The following AGBL2 variants were observed in gnomAD, a reference collection of about 807,000 sequenced individuals.
AGBL2 encodes the protein cytosolic carboxypeptidase 2.
AGBL2 carries 87 observed loss-of-function variants against 103.0 expected under a neutral mutation model. The observed-to-expected ratio is 0.84, with a 90% CI of 0.71 to 1.01. The LOEUF is 1.01. AGBL2 is among the 50% of genes least tolerant of loss of function. The pLI is 0.00. For missense variants in AGBL2, 904 were observed against 1,023.5 expected (o/e 0.88, Z 1.59); for synonymous variants, 335 against 356.7 (o/e 0.94, Z 0.69).
Position 47,692,404 on chromosome 11 carries a change from C to CTTTTT in AGBL2, c.695-153_695-149dup, listed in dbSNP as rs11286504. ...AACTATCTTTGCAGAGACTTTTAATCTTTTTTTTTTTTTTTTTTTTTTTTT... is the reference window on the plus strand; with the variant it reads ...AACTATCTTTGCAGAGACTTTTAATCTTTTTTTTTTTTTTTTTTTTTTTTTTTTTT... On this transcript the variant is annotated intron_variant, in intron 8 of 18. Transcript: ENST00000525123. The CTTTTT allele has an allele frequency of 6.7e-3, 667 of 99,160 alleles. 23 individuals are homozygous for CTTTTT. Among genetic ancestry groups the CTTTTT allele is most frequent in the African/African-American group, 0.013 (246 of 18,504 alleles). The allele number at this position is 99,160 out of a possible 1,614,324, so 6.1% of individuals were successfully genotyped here.
At chr11:47,713,650 T>A (rs1386208502) in intron 3 of AGBL2, among the ~76,000 whole-genome samples, 1 of 151,444 alleles carries the variant, frequency 6.6e-6, no homozygotes, top group Non-Finnish European at 1.5e-5. Context: ...GTGCAGTGGC[T>A]TGATCTCGGC....
At chr11:47,695,456 C>T (rs74648020) in intron 8 of AGBL2, among the ~76,000 whole-genome samples, 3 of 121,056 alleles carry the variant, frequency 2.5e-5, no homozygotes, top group African/African-American at 6.6e-5. Context: ...GCCTGGGCGA[C>T]GAAAGTGAAA....
chr11:47,710,909 C>A (rs1486978945), intron 3 of AGBL2: 524 of 330,032 alleles, frequency 1.6e-3, no homozygotes, highest in East Asian at 3.3e-3. Context: ...GATCCTGTCT[C>A]AAAAAAAAAA....
intron 10 of AGBL2, among the ~76,000 whole-genome samples, chr11:47,687,644 T>G (rs2097429302): frequency 6.6e-6 from 1 of 152,150 alleles, no homozygotes; most frequent in South Asian, 2.1e-4. Context: ...CCTCTTTGCC[T>G]TCTGCCATGA....
intron 18 of AGBL2, among the ~76,000 whole-genome samples, chr11:47,661,119 T>C (rs12362318): frequency 0.35 from 53,393 of 151,718 alleles, 10,607 homozygotes; most frequent in South Asian, 0.52. Context: ...GCCAAGATCA[T>C]GCCACTGCAC....
At chr11:47,666,552 C>T (rs975974527) in intron 17 of AGBL2, 93 of 398,618 alleles carry the variant, frequency 2.3e-4, no homozygotes, top group African/African-American at 1.8e-3. Context: ...CTGAAGTCCC[C>T]GAGGCAGGGA....
intron 8 of AGBL2, among the ~76,000 whole-genome samples, chr11:47,698,168 A>ATTTTTTTTTTT (rs35161992): frequency 2.5e-5 from 2 of 79,834 alleles, no homozygotes; most frequent in Non-Finnish European, 4.5e-5. Context: ...AGTCTACATA[A>ATTTTTTTTTTT]TTTTTTTTTT....
intron 3 of AGBL2, among the ~76,000 whole-genome samples, chr11:47,712,410 T>C (rs1208498769): frequency 6.6e-6 from 1 of 152,184 alleles, no homozygotes; most frequent in Non-Finnish European, 1.5e-5. Context: ...GAAATTAAAT[T>C]TTAAGAAGAT....
At chr11:47,664,211 TC>T (rs138579143) in intron 17 of AGBL2, among the ~76,000 whole-genome samples, 4,647 of 152,088 alleles carry the variant, frequency 0.031, 250 homozygotes, top group African/African-American at 0.11. Flanking sequence ...TTGCACCCTA[TC>T]CCCTAAGAAT....
At chr11:47,666,104 A>G (rs553257570) in intron 17 of AGBL2, among the ~76,000 whole-genome samples, 15 of 151,716 alleles carry the variant, frequency 9.9e-5, no homozygotes, top group African/African-American at 2.9e-4. Flanking sequence ...AAAAAAATCA[A>G]TGATTTTGAC....
At chr11:47,663,433 A>C (rs2097333017) in intron 17 of AGBL2, among the ~76,000 whole-genome samples, 1 of 152,196 alleles carries the variant, frequency 6.6e-6, no homozygotes, top group South Asian at 2.1e-4. Context: ...GACTCACAGA[A>C]TATTAAATAG....
chr11:47,662,777 A>C (rs2097331435), intron 18 of AGBL2, among the ~76,000 whole-genome samples: 1 of 152,204 alleles, frequency 6.6e-6, no homozygotes, highest in Non-Finnish European at 1.5e-5. Flanking sequence ...TACAGGCATG[A>C]GCCACTGTGC....
chr11:47,691,729 A>AAAAATATATATAT, intron 9 of AGBL2, among the ~76,000 whole-genome samples: 1 of 4,856 alleles, frequency 2.1e-4, no homozygotes, highest in African/African-American at 7.2e-4. Context: ...AAAAAAAAAA[A>AAAAATATATATAT]ATATATATAT....
At chr11:47,663,210 G>T in intron 17 of AGBL2, 98 bp from the exon 18 acceptor site, 1 of 718,566 alleles carries the variant, frequency 1.4e-6, no homozygotes, top group Non-Finnish European at 2.3e-6. Context: ...CATACATGTT[G>T]ATTCATTGTG....
At chr11:47,669,439 G>A (rs1237048111) in intron 14 of AGBL2, among the ~76,000 whole-genome samples, 1 of 152,114 alleles carries the variant, frequency 6.6e-6, no homozygotes, top group Non-Finnish European at 1.5e-5. Flanking sequence ...GGAGGCCAAG[G>A]TGGGTGGATC....
At chr11:47,694,898 C>T (rs796999542) in intron 8 of AGBL2, among the ~76,000 whole-genome samples, 1 of 152,164 alleles carries the variant, frequency 6.6e-6, no homozygotes, top group South Asian at 2.1e-4. Context: ...CCTGTAATCC[C>T]AGCACTTTGG....
rs1468205589 is a variant in AGBL2, at chr11:47,690,419, C to T, written c.1288G>A (p.Ala430Thr). The change falls in exon 10 of 19, where the codon GCA (alanine) becomes ACA (threonine). Residue 430 changes from alanine to threonine, a missense_variant. Physicochemically the swap from Ala to Thr is moderately conservative, Grantham distance 58. Coordinates refer to ENST00000525123, the MANE Select transcript of AGBL2 (RefSeq NM_024783.4). ...GTGAGCAAGTAAACGGTATTTCCTGCTAGGCTCCTGCATAAAGTTTGGAGC... is the reference window on the plus strand; with the variant it reads ...GTGAGCAAGTAAACGGTATTTCCTGTTAGGCTCCTGCATAAAGTTTGGAGC... ...CKLQTLCRSLAGNTVYLLTIT... is the reference protein window; with the variant it reads ...CKLQTLCRSLTGNTVYLLTIT... 6.2e-7 allele frequency: 1 copy of T among 1,614,024 alleles called. No individual in the cohort carries two copies. The highest frequency in any genetic ancestry group is 8.5e-7 in the Non-Finnish European group (1 of 1,180,028).
intron 18 of AGBL2, among the ~76,000 whole-genome samples, chr11:47,662,427 G>A (rs1398459872): frequency 6.6e-6 from 1 of 151,116 alleles, no homozygotes; most frequent in Non-Finnish European, 1.5e-5. Flanking sequence ...TGATCCACTC[G>A]CCTCAGCCTC....
chr11:47,701,668 A>T (rs1057469723), intron 7 of AGBL2, among the ~76,000 whole-genome samples: 4 of 151,612 alleles, frequency 2.6e-5, no homozygotes, highest in Admixed American at 2.6e-4. Context: ...TCTACAAAAA[A>T]ACTATTTAAA....
Sources: gnomAD v4.1 joint callset for allele counts (sites outside exome capture counted in the v4.1 genomes callset) on GRCh38, gnomAD v4.1.1 for gene constraint, MANE v1.5 for transcripts, NCBI Gene and HGNC (gene_info 2026-07-23, HGNC 2026-07-21) for gene names.